The following PTPRD variants were observed in gnomAD, a reference collection of about 807,000 sequenced individuals.
PTPRD encodes protein tyrosine phosphatase receptor type D.
Under a neutral mutation model 214.5 loss-of-function variants are expected in PTPRD, and 34 were observed. That is an observed-to-expected ratio of 0.16 (90% CI 0.12 to 0.21). The LOEUF (loss-of-function observed/expected upper bound fraction) is 0.21, where lower values mean the gene tolerates loss of function less well. PTPRD is among the 10% of genes least tolerant of loss of function. PTPRD has a pLI of 1.00. For missense variants in PTPRD, 2,545 were observed against 2,398.7 expected (o/e 1.06, Z -1.27); for synonymous variants, 1,128 against 845.7 (o/e 1.33, Z -5.79).
intron 5 of PTPRD, among the ~76,000 whole-genome samples, chr9:9,791,715 T>C (rs1305948223): frequency 1.3e-5 from 2 of 152,160 alleles, no homozygotes; most frequent in Non-Finnish European, 1.5e-5. Flanking sequence ...ACCAACAGTC[T>C]TTCCTTTTAA....
At chr9:10,009,947 T>C (rs573421846) in intron 4 of PTPRD, among the ~76,000 whole-genome samples, 2 of 151,864 alleles carry the variant, frequency 1.3e-5, no homozygotes, top group African/African-American at 2.4e-5. Flanking sequence ...GAGGAGAGTA[T>C]AATGAAGCAT....
At chr9:8,496,462 G>A (rs1281199771) in intron 26 of PTPRD, among the ~76,000 whole-genome samples, 1 of 152,104 alleles carries the variant, frequency 6.6e-6, no homozygotes, top group Non-Finnish European at 1.5e-5. Context: ...AGAAAGGCAG[G>A]TGTCACATCA....
intron 11 of PTPRD, among the ~76,000 whole-genome samples, chr9:8,768,281 A>C (rs62528808): frequency 0.11 from 16,553 of 152,166 alleles, 993 homozygotes; most frequent in Non-Finnish European, 0.13. Context: ...GTACGTGCCT[A>C]TAGTCCTGCC....
At chr9:10,417,637 A>G (rs756526450) in intron 2 of PTPRD, among the ~76,000 whole-genome samples, 3 of 151,768 alleles carry the variant, frequency 2.0e-5, no homozygotes, top group Non-Finnish European at 4.4e-5. Flanking sequence ...ATAGATTCTG[A>G]AGCATTTAGT....
chr9:9,649,782 A>T (rs2096286774), intron 7 of PTPRD, among the ~76,000 whole-genome samples: 1 of 152,234 alleles, frequency 6.6e-6, no homozygotes, highest in African/African-American at 2.4e-5. Context: ...TGCTACTGTC[A>T]TTTTAAATTT....
At chr9:10,179,441 A>G (rs1189187324) in intron 3 of PTPRD, among the ~76,000 whole-genome samples, 1 of 152,038 alleles carries the variant, frequency 6.6e-6, no homozygotes. Flanking sequence ...ACTTTTGTCT[A>G]AATGAACAAT....
Position 9,601,153 on chromosome 9 carries a change from G to GTAT in PTPRD, c.-286-26373_-286-26372insATA, listed in dbSNP as rs200355226. Among the ~76,000 whole-genome samples the GTAT allele has an allele frequency of 6.7e-3, 627 of 94,028 alleles. 5 individuals are homozygous for GTAT. Among genetic ancestry groups the GTAT allele is most frequent in the Non-Finnish European group, 7.2e-3 (296 of 41,270 alleles). The allele number at this position is 94,028 out of a possible 152,430, so 61.7% of individuals were successfully genotyped here. ...TGTGTGTGTGTGTGTGTGTGTGTATGGGGGGGGGAGAGTGGGGAGAGAGAG... is the reference window on the plus strand; with the variant it reads ...TGTGTGTGTGTGTGTGTGTGTGTATGTATGGGGGGGGAGAGTGGGGAGAGAGAG... On this transcript the variant is annotated intron_variant, in intron 7 of 45. Coordinates refer to ENST00000381196, the MANE Select transcript of PTPRD (RefSeq NM_002839.4).
intron 8 of PTPRD, among the ~76,000 whole-genome samples, chr9:9,415,303 A>G (rs2076672404): frequency 6.6e-6 from 1 of 151,970 alleles, no homozygotes; most frequent in South Asian, 2.1e-4. Flanking sequence ...GCAAAACTCC[A>G]TCTCTACTGA....
At chr9:9,942,058 T>C (rs1435475862) in intron 4 of PTPRD, among the ~76,000 whole-genome samples, 1 of 152,192 alleles carries the variant, frequency 6.6e-6, no homozygotes, top group Non-Finnish European at 1.5e-5. Flanking sequence ...CTGTGAATCA[T>C]GAATCTAAGC....
At chr9:9,128,992 T>G (rs1569549299) in intron 10 of PTPRD, among the ~76,000 whole-genome samples, 1 of 152,340 alleles carries the variant, frequency 6.6e-6, no homozygotes, top group African/African-American at 2.4e-5. Context: ...AAGATTCTAT[T>G]TGGGAAATAT....
At position 9,450,678 on chromosome 9, in the gene PTPRD, C is replaced by T. The variant is rs531196249; in HGVS notation, c.-236-53196G>A. ...AAAATGTTTCCTAGAATTTTGTTTT[C>T]GTAACTTGATTGACACAATTCAAAA... On this transcript the variant is annotated intron_variant, in intron 8 of 45. Coordinates refer to ENST00000381196, the MANE Select transcript of PTPRD (RefSeq NM_002839.4). Among the ~76,000 whole-genome samples the T allele has an allele frequency of 5.3e-5, 8 of 151,114 alleles. No homozygotes were observed. In the East Asian group the frequency reaches 7.8e-4, roughly 15 times the overall value.
chr9:9,727,897 G>T (rs965718914), intron 7 of PTPRD, among the ~76,000 whole-genome samples: 1 of 152,148 alleles, frequency 6.6e-6, no homozygotes, highest in African/African-American at 2.4e-5. Context: ...TATAGAGGTA[G>T]ATTTTAATGT....
At chr9:10,179,017 C>A (rs1228713532) in intron 3 of PTPRD, among the ~76,000 whole-genome samples, 3 of 151,754 alleles carry the variant, frequency 2.0e-5, no homozygotes, top group Non-Finnish European at 2.9e-5. Context: ...AGTTCATGAA[C>A]AATCAAATAA....
chr9:9,308,700 A>G (rs1031130987), intron 9 of PTPRD, among the ~76,000 whole-genome samples: 24 of 152,192 alleles, frequency 1.6e-4, no homozygotes, highest in African/African-American at 5.5e-4. Flanking sequence ...TAAAATACAT[A>G]TATAATTAGG....
intron 2 of PTPRD, among the ~76,000 whole-genome samples, chr9:10,394,113 G>T (rs979156828): frequency 2.9e-5 from 4 of 140,150 alleles, no homozygotes; most frequent in African/African-American, 1.0e-4. Context: ...TATATATGGA[G>T]ATATATATAC....
intron 4 of PTPRD, among the ~76,000 whole-genome samples, chr9:9,949,612 G>A (rs540461826): frequency 6.6e-6 from 1 of 152,082 alleles, no homozygotes; most frequent in Non-Finnish European, 1.5e-5. Flanking sequence ...CTACATCCAG[G>A]CTCCTAGTCC....
Position 9,971,833 on chromosome 9 carries a change from C to T in PTPRD, c.-471-33223G>A, listed in dbSNP as rs114224610. 9.8e-3 allele frequency among the ~76,000 whole-genome samples: 1,487 copies of T among 152,174 alleles called. 31 individuals carry two copies. Among genetic ancestry groups the T allele is most frequent in the African/African-American group, 0.034 (1,401 of 41,508 alleles). On this transcript the variant is annotated intron_variant, in intron 4 of 45. Transcript: ENST00000381196. ...ACTTAAATTTTAAACTGTATAACTACTTAATGCTCTCGGGGCATATTTGGG... is the reference window on the plus strand; with the variant it reads ...ACTTAAATTTTAAACTGTATAACTATTTAATGCTCTCGGGGCATATTTGGG...
At position 9,844,520 on chromosome 9, in the gene PTPRD, G is replaced by C. The variant is rs1437034721; in HGVS notation, c.-367-77669C>G. 1.4e-4 allele frequency among the ~76,000 whole-genome samples: 21 copies of C among 151,698 alleles called. 1 individual carries two copies. On this transcript the variant is annotated intron_variant, in intron 5 of 45. Coordinates refer to ENST00000381196, the MANE Select transcript of PTPRD (RefSeq NM_002839.4). ...ATCCTAATATCTGCCTGGGTGCCTA[G>C]AAAATATTAAATTCCAAGTAAATAT... is the stretch of plus-strand genomic sequence containing the variant.
intron 35 of PTPRD, among the ~76,000 whole-genome samples, chr9:8,408,101 G>T (rs1279589312): frequency 2.0e-5 from 3 of 152,118 alleles, no homozygotes; most frequent in Admixed American, 1.3e-4. Context: ...GGCTTCTCTT[G>T]CTGCTGTCCT....
Sources: allele counts gnomAD v4.1 joint callset (sites outside exome capture counted in the v4.1 genomes callset), GRCh38; gene constraint gnomAD v4.1.1; transcripts MANE v1.5; gene names NCBI Gene and HGNC (gene_info 2026-07-23, HGNC 2026-07-21).